Variants in SMARCA4 observed in about 807,000 individuals in gnomAD.
SMARCA4 encodes the protein SWI/SNF-related matrix-associated actin-dependent regulator of chromatin subfamily A member 4.
A neutral mutation model predicts 193.9 loss-of-function variants in SMARCA4; 31 were observed. That is an observed-to-expected ratio of 0.16 (90% CI 0.12 to 0.22). The LOEUF is 0.22. Ranked by LOEUF, SMARCA4 falls within the 10% of genes least tolerant of loss-of-function variation. The pLI is 1.00. For missense variants in SMARCA4, 1,148 were observed against 2,296.0 expected (o/e 0.50, Z 10.22); for synonymous variants, 942 against 933.1 (o/e 1.01, Z -0.17).
At chr19:10,996,678 T>A in intron 11 of SMARCA4, 134 bp downstream of exon 11, 1 of 874,526 alleles carries the variant, frequency 1.1e-6, no homozygotes, top group Non-Finnish European at 1.9e-6. Context: ...CAGGGTGTCC[T>A]CTGACGCCCA....
chr19:10,982,416 G>T (rs1316108538), intron 1 of SMARCA4, among the ~76,000 whole-genome samples: 1 of 152,110 alleles, frequency 6.6e-6, no homozygotes, highest in East Asian at 1.9e-4. Flanking sequence ...GGAGGTTGCC[G>T]TAAGCCAAGA....
In SMARCA4 at chr19:11,019,584, C is replaced by G. The variant is rs780694847; in HGVS notation, c.2506-7C>G. The G allele has an allele frequency of 6.3e-7, 1 of 1,599,122 alleles. No individual in the cohort carries two copies. Among genetic ancestry groups the G allele is most frequent in the South Asian group, 1.1e-5 (1 of 89,748 alleles). On this transcript the variant is annotated splice_polypyrimidine_tract_variant and splice_region_variant and intron_variant, in intron 17 of 34. Coordinates refer to ENST00000344626, the MANE Select transcript of SMARCA4 (RefSeq NM_003072.5). This position sits in a 1 kb window ranked among gnomAD's most constrained non-coding sequence, Gnocchi z 6.1. ...AAGCCGAGCTGTGCATCCTGCTTCCCTTGCAGGGATCCCCAGCAGCAAGAC... is the reference window on the plus strand; with the variant it reads ...AAGCCGAGCTGTGCATCCTGCTTCCGTTGCAGGGATCCCCAGCAGCAAGAC...
chr19:11,058,698 C>A lies in SMARCA4; in HGVS notation c.4534-90C>A. ...CACATCCTCATAGGCACGAGGAATCCTAGCCCGTGGGGTCTCCAGCACACA... is the reference window on the plus strand; with the variant it reads ...CACATCCTCATAGGCACGAGGAATCATAGCCCGTGGGGTCTCCAGCACACA... On this transcript the variant is annotated intron_variant, in intron 31 of 34. Coordinates refer to ENST00000344626, the MANE Select transcript of SMARCA4 (RefSeq NM_003072.5). This position sits in a 1 kb window ranked among gnomAD's most constrained non-coding sequence, Gnocchi z 5.8. The A allele has an allele frequency of 8.9e-7, 1 of 1,127,712 alleles. No individual in the cohort carries two copies. Among genetic ancestry groups the A allele is most frequent in the Non-Finnish European group, 1.3e-6 (1 of 745,758 alleles). 69.9% of individuals were successfully genotyped at this position (1,127,712 alleles called of 1,614,324 possible). A position where few individuals can be genotyped will look rare whatever the true frequency, so the allele number is the denominator to read the frequency against.
At position 10,987,884 on chromosome 19, in the gene SMARCA4, G is replaced by T. The variant is rs1408759450; in HGVS notation, c.1078G>T (p.Gly360Cys). 6.2e-7 allele frequency: 1 copy of T among 1,613,074 alleles called. No homozygotes were observed. The change falls in exon 6 of 35, where the codon GGC (glycine) becomes TGC (cysteine). Residue 360 changes from glycine (G) to cysteine (C), a missense_variant. Gly to Cys is a radical substitution (Grantham distance 159). Around this residue, in one of 17 missense-constraint regions of SMARCA4, gnomAD observed 257 missense variants for 276.5 expected, o/e 0.93. Coordinates refer to ENST00000344626, the MANE Select transcript of SMARCA4 (RefSeq NM_003072.5). The surrounding 1 kb of genome is among the most constrained non-coding windows in gnomAD (Gnocchi z 5.3). ...SRITPIQKPR[G>C]LDPVEILQER... is the part of the protein sequence containing the mutation. ...CATCACCCCCATCCAGAAGCCGCGGGGCCTCGACCCTGTGGAGATCCTGCA... is the reference window on the plus strand; with the variant it reads ...CATCACCCCCATCCAGAAGCCGCGGTGCCTCGACCCTGTGGAGATCCTGCA...
intron 20 of SMARCA4, among the ~76,000 whole-genome samples, chr19:11,023,990 C>T (rs1427549357): frequency 6.6e-6 from 1 of 152,218 alleles, no homozygotes; most frequent in Admixed American, 6.5e-5. Context: ...AGCCACACCC[C>T]TGGGCCCAGT....
At chr19:11,014,857 G>C (rs2089207324) in intron 16 of SMARCA4, among the ~76,000 whole-genome samples, 2 of 151,802 alleles carry the variant, frequency 1.3e-5, no homozygotes, top group African/African-American at 4.8e-5. Context: ...CTGTTGACCA[G>C]CCTGGAGTGC....
At chr19:11,015,998 T>C (rs1235355326) in intron 16 of SMARCA4, 2 of 151,342 alleles carry the variant, frequency 1.3e-5, no homozygotes, top group Non-Finnish European at 2.9e-5. Context: ...GCAACAAGAA[T>C]GAAACGCCTT....
Position 11,033,151 on chromosome 19 carries a change from C to A in SMARCA4, c.3547-139C>A, listed in dbSNP as rs1013070906. ...AGGCTCCACCAGCTCTGTTTTCATG[C>A]GGCGGCAGGTCAGGCTGGGCAGAAT... On this transcript the variant is annotated intron_variant, in intron 25 of 34. Coordinates refer to ENST00000344626, the MANE Select transcript of SMARCA4 (RefSeq NM_003072.5). This position sits in a 1 kb window ranked among gnomAD's most constrained non-coding sequence, Gnocchi z 9.8. 1 of 719,054 alleles carries A rather than the reference C, an allele frequency of 1.4e-6. No homozygotes were observed. The highest frequency in any genetic ancestry group is 2.5e-6 in the Non-Finnish European group (1 of 398,878). The allele number at this position is 719,054 out of a possible 1,614,324, so 44.5% of individuals were successfully genotyped here.
In SMARCA4 at chr19:11,018,974, C is replaced by T. The variant is rs1276140261; in HGVS notation, c.2456C>T (p.Ala819Val). 1.9e-6 allele frequency: 3 copies of T among 1,613,760 alleles called. No homozygotes were observed. Among genetic ancestry groups the T allele is most frequent in the Non-Finnish European group, 2.5e-6 (3 of 1,179,724 alleles). The change falls in exon 17 of 35, where the codon GCG becomes GTG. Residue 819 changes from alanine (A) to valine (V), a missense_variant. This residue lies in a region of SMARCA4 where 54 missense variants were observed against 123.3 expected (regional missense o/e 0.44). Transcript: ENST00000344626. ...IVPLSTLSNW[A>V]YEFDKWAPSV... is the part of the protein sequence containing the mutation. ...TCCATCAGAACGCTGTCCAACTGGG[C>T]GTACGAGTTTGACAAGTGGGCCCCC... is the stretch of plus-strand genomic sequence containing the variant.
At chr19:11,060,006 C>T (rs377452230) in intron 33 of SMARCA4, 39 bp from the exon 34 acceptor site, 53 of 1,602,252 alleles carry the variant, frequency 3.3e-5, no homozygotes, top group Non-Finnish European at 4.3e-5. Flanking sequence ...GCTGCATTCC[C>T]AGAGCTCAAG....
chr19:10,982,499 GA>G (rs1470597592), intron 1 of SMARCA4, among the ~76,000 whole-genome samples: 1 of 150,460 alleles, frequency 6.6e-6, no homozygotes, highest in Admixed American at 6.6e-5. Context: ...AACAAAAATA[GA>G]ACTTTTTTTT....
chr19:11,019,204 C>T lies in SMARCA4; in HGVS notation c.2505+181C>T, dbSNP rs78186498. 0.029 allele frequency: 19,733 copies of T among 688,220 alleles called. 408 individuals are homozygous for T. Among genetic ancestry groups the T allele is most frequent in the Non-Finnish European group, 0.04 (15,153 of 377,102 alleles). 42.6% of individuals were successfully genotyped at this position (688,220 alleles called of 1,614,324 possible). On this transcript the variant is annotated intron_variant, in intron 17 of 34. Coordinates refer to ENST00000344626, the MANE Select transcript of SMARCA4 (RefSeq NM_003072.5). This position sits in a 1 kb window ranked among gnomAD's most constrained non-coding sequence, Gnocchi z 6.1. ...TCCGGGAGTTTGGACTGGGCAGGGA[C>T]AGGGCAGATTAGCTCACTGGGGAGG...
rs983051341 is a variant in SMARCA4 at position 11,003,018 on chromosome 19, C to T, written c.1813-11C>T. On this transcript the variant is annotated splice_polypyrimidine_tract_variant and intron_variant, in intron 11 of 34. Transcript: ENST00000344626. ...TGCAACCTCAGTGTCACACGAATGA[C>T]TCTTTTTCAGCCTCTGGACGAGACC... 6.2e-7 allele frequency: 1 copy of T among 1,614,060 alleles called. No individual in the cohort carries two copies. Among genetic ancestry groups the T allele is most frequent in the South Asian group, 1.1e-5 (1 of 91,074 alleles).
intron 29 of SMARCA4, among the ~76,000 whole-genome samples, chr19:11,036,342 C>T (rs1305571404): frequency 6.6e-6 from 1 of 152,162 alleles, no homozygotes; most frequent in Non-Finnish European, 1.5e-5. Context: ...AGGCTGGCCT[C>T]CAGTTCCTGG....
chr19:11,019,819 G>T lies in SMARCA4; in HGVS notation c.2616+118G>T, dbSNP rs555833934. 2.6e-6 allele frequency: 2 copies of T among 755,580 alleles called. No individual in the cohort carries two copies. The highest frequency in any genetic ancestry group is 5.4e-5 in the East Asian group (2 of 37,368). 46.8% of individuals were successfully genotyped at this position (755,580 alleles called of 1,614,324 possible). ...TTCCCGGAGTCCCACCTGCATGTGC[G>T]TGAAGACAGCTGCCCTGTGTAGGGG... is the stretch of plus-strand genomic sequence containing the variant. On this transcript the variant is annotated intron_variant, in intron 18 of 34. Transcript: ENST00000344626. This position sits in a 1 kb window ranked among gnomAD's most constrained non-coding sequence, Gnocchi z 6.1.
chr19:11,009,120 C>T (rs936464570), intron 14 of SMARCA4, among the ~76,000 whole-genome samples: 5 of 129,854 alleles, frequency 3.9e-5, no homozygotes, highest in African/African-American at 1.5e-4. Flanking sequence ...CTCCTGGGTT[C>T]GAGTGATTCT....
In SMARCA4 at chr19:10,992,984, C is replaced by CTTTT. The variant is rs758452838; in HGVS notation, c.1419+1677_1419+1680dup. Among the ~76,000 whole-genome samples, 50 of 109,318 alleles carry CTTTT rather than the reference C, an allele frequency of 4.6e-4. 1 individual carries two copies. Among genetic ancestry groups the CTTTT allele is most frequent in the African/African-American group, 1.5e-3 (43 of 28,588 alleles). 71.7% of individuals were successfully genotyped at this position (109,318 alleles called of 152,430 possible). On this transcript the variant is annotated intron_variant, in intron 8 of 34. Coordinates refer to ENST00000344626, the MANE Select transcript of SMARCA4 (RefSeq NM_003072.5). ...TTTTTAAATTTTTTCTAAAACTTTGCTTTTTTTTTTTTTTTTTTTGAGTCA... is the reference window on the plus strand; with the variant it reads ...TTTTTAAATTTTTTCTAAAACTTTGCTTTTTTTTTTTTTTTTTTTTTTTGAGTCA...
intron 19 of SMARCA4, among the ~76,000 whole-genome samples, chr19:11,022,932 G>A (rs959824139): frequency 1.3e-5 from 2 of 152,230 alleles, no homozygotes; most frequent in African/African-American, 4.8e-5. Flanking sequence ...GGAAGCAATA[G>A]AAGAAAAGTT....
rs373168068 is a variant in SMARCA4 at position 10,989,377 on chromosome 19, C to T, written c.1179C>T (p.Ala393=). Residue 393 remains alanine, a synonymous_variant, in exon 7 of 35, where the codon GCC becomes GCT. Transcript: ENST00000344626. ...TTGAAAACCTTCCCGGGTCCCTGGC[C>T]GGGGATTTGCGAACCAAAGCGACCA... ...QELENLPGSL[A]GDLRTKATIE... 32 of 1,614,000 alleles carry T rather than the reference C, an allele frequency of 2.0e-5. No individual in the cohort carries two copies. The highest frequency in any genetic ancestry group is 4.4e-5 in the South Asian group (4 of 91,086).
Sources: allele counts gnomAD v4.1 joint callset (sites outside exome capture counted in the v4.1 genomes callset), GRCh38; gene constraint gnomAD v4.1.1; regional missense constraint gnomAD v4.1.1; non-coding constraint Gnocchi (gnomAD v3.1); transcripts MANE v1.5; gene names NCBI Gene and HGNC (gene_info 2026-07-23, HGNC 2026-07-21).